Variants in ATAD1 observed in about 807,000 individuals in gnomAD.
The protein encoded by ATAD1 is outer mitochondrial transmembrane helix translocase.
ATAD1 carries 18 observed loss-of-function variants against 42.7 expected under a neutral mutation model. The ratio of observed to expected loss-of-function variants is 0.42; its 90% CI spans 0.29 to 0.63. ATAD1 has a LOEUF of 0.63. Ranked by LOEUF, ATAD1 falls within the 20% of genes least tolerant of loss-of-function variation. The pLI is 0.19. For missense variants in ATAD1, 294 were observed against 440.4 expected, an observed-to-expected ratio of 0.67 and a Z score of 2.98; for synonymous variants, 132 against 143.1, an observed-to-expected ratio of 0.92 and a Z score of 0.55.
intron 8 of ATAD1, among the ~76,000 whole-genome samples, chr10:87,765,418 A>ATC (rs1854694096): frequency 7.2e-6 from 1 of 139,168 alleles, no homozygotes; most frequent in Non-Finnish European, 1.5e-5. Flanking sequence ...AAGTGTGGAA[A>ATC]ATTACTTTAT....
intron 1 of ATAD1, among the ~76,000 whole-genome samples, chr10:87,831,553 C>T (rs1159941177): frequency 6.6e-6 from 1 of 152,178 alleles, no homozygotes; most frequent in Admixed American, 6.5e-5. Flanking sequence ...TTGATACCTA[C>T]TGAATTTGTT....
intron 1 of ATAD1, among the ~76,000 whole-genome samples, chr10:87,839,303 T>C (rs1414418677): frequency 1.3e-5 from 2 of 152,248 alleles, no homozygotes; most frequent in East Asian, 3.8e-4. Context: ...ACCTAGGTCC[T>C]GTTTGGGCCA....
intron 5 of ATAD1, among the ~76,000 whole-genome samples, chr10:87,779,778 C>T (rs1479490498): frequency 6.6e-6 from 1 of 152,118 alleles, no homozygotes; most frequent in Non-Finnish European, 1.5e-5. Context: ...TATTAGATAC[C>T]TATATATCTA....
chr10:87,805,470 A>G (rs928020268), intron 2 of ATAD1, among the ~76,000 whole-genome samples: 1 of 152,160 alleles, frequency 6.6e-6, no homozygotes, highest in African/African-American at 2.4e-5. Flanking sequence ...AAAACAATTG[A>G]GTTCCCAATA....
intron 2 of ATAD1, among the ~76,000 whole-genome samples, chr10:87,802,327 T>A (rs1174882862): frequency 6.6e-6 from 1 of 152,014 alleles, no homozygotes; most frequent in Non-Finnish European, 1.5e-5. Context: ...TTCTGACCTG[T>A]TGTTAAGTAA....
At chr10:87,828,976 G>A (rs1857778241) in intron 1 of ATAD1, among the ~76,000 whole-genome samples, 1 of 152,180 alleles carries the variant, frequency 6.6e-6, no homozygotes, top group South Asian at 2.1e-4. Context: ...TTCATTTCAA[G>A]ATGTTAACTG....
chr10:87,833,114 T>A (rs1321649831), intron 1 of ATAD1: 1 of 152,180 alleles, frequency 6.6e-6, no homozygotes, highest in Non-Finnish European at 1.5e-5. Context: ...ACATAGTATA[T>A]CTCTCCATTA....
At chr10:87,769,308 C>T (rs1854918134) in intron 7 of ATAD1, among the ~76,000 whole-genome samples, 1 of 152,190 alleles carries the variant, frequency 6.6e-6, no homozygotes, top group Non-Finnish European at 1.5e-5. Flanking sequence ...TGGTGCTGCG[C>T]TCACCAAACT....
intron 3 of ATAD1, 24 bp downstream of exon 3, chr10:87,792,633 T>TTAAAAA: frequency 2.5e-6 from 2 of 815,080 alleles, no homozygotes; most frequent in Non-Finnish European, 4.0e-6. Context: ...TAAAAAAATC[T>TTAAAAA]TAAATAAGAT....
At chr10:87,774,595 G>A (rs1238755061) in intron 6 of ATAD1, among the ~76,000 whole-genome samples, 1 of 152,020 alleles carries the variant, frequency 6.6e-6, no homozygotes, top group African/African-American at 2.4e-5. Flanking sequence ...CAGAAGAAAG[G>A]AAAAGAAATT....
At chr10:87,785,516 T>C (rs1331460129) in intron 4 of ATAD1, among the ~76,000 whole-genome samples, 1 of 151,078 alleles carries the variant, frequency 6.6e-6, no homozygotes, top group Admixed American at 6.6e-5. Flanking sequence ...ACAAAAACTG[T>C]AATAGGCAGA....
At chr10:87,803,026 G>A (rs534842086) in intron 2 of ATAD1, among the ~76,000 whole-genome samples, 1 of 152,170 alleles carries the variant, frequency 6.6e-6, no homozygotes, top group Non-Finnish European at 1.5e-5. Context: ...AACTTCAGAA[G>A]AAAAGAACAG....
intron 8 of ATAD1, among the ~76,000 whole-genome samples, chr10:87,766,590 C>T (rs761387946): frequency 7.9e-5 from 12 of 151,958 alleles, no homozygotes; most frequent in Admixed American, 3.3e-4. Flanking sequence ...TGAGACCAGC[C>T]GGGCCAACAT....
chr10:87,824,633 TAC>T (rs1479233805), intron 1 of ATAD1, among the ~76,000 whole-genome samples: 1 of 152,248 alleles, frequency 6.6e-6, no homozygotes, highest in Non-Finnish European at 1.5e-5. Flanking sequence ...ATTTTCATTA[TAC>T]GATGAGGTGA....
intron 2 of ATAD1, among the ~76,000 whole-genome samples, chr10:87,796,538 C>G (rs1856397193): frequency 6.6e-6 from 1 of 152,302 alleles, no homozygotes; most frequent in African/African-American, 2.4e-5. Context: ...ACTGATGTTT[C>G]GTGTCTCCCT....
intron 1 of ATAD1, among the ~76,000 whole-genome samples, chr10:87,829,902 A>G (rs1857798270): frequency 6.6e-6 from 1 of 152,250 alleles, no homozygotes; most frequent in African/African-American, 2.4e-5. Flanking sequence ...TTAGCTGATA[A>G]AGCAGTGGCA....
chr10:87,765,484 G>T (rs558470374), intron 8 of ATAD1, among the ~76,000 whole-genome samples: 10 of 108,624 alleles, frequency 9.2e-5, no homozygotes, highest in East Asian at 6.4e-4. Context: ...GAAGCCATAG[G>T]GGGGGTGGGT....
chr10:87,840,560 A>G (rs1216615020), intron 1 of ATAD1, among the ~76,000 whole-genome samples: 1 of 152,236 alleles, frequency 6.6e-6, no homozygotes, highest in Non-Finnish European at 1.5e-5. Context: ...GAACAAAATT[A>G]GGAGTGCACA....
intron 8 of ATAD1, among the ~76,000 whole-genome samples, chr10:87,763,963 A>G (rs929652553): frequency 2.0e-5 from 3 of 152,160 alleles, no homozygotes; most frequent in African/African-American, 7.2e-5. Flanking sequence ...ATGCAGAGAA[A>G]AAGAATTAAA....
Sources: allele counts gnomAD v4.1 joint callset (sites outside exome capture counted in the v4.1 genomes callset), GRCh38; gene constraint gnomAD v4.1.1; transcripts MANE v1.5; gene names NCBI Gene and HGNC (gene_info 2026-07-23, HGNC 2026-07-21).